The following MAX variants were observed in gnomAD, a reference collection of about 807,000 sequenced individuals.
MAX encodes MYC associated transcriptional regulator X.
MAX carries 3 observed loss-of-function variants against 22.3 expected under a neutral mutation model. The observed-to-expected ratio is 0.13, with a 90% CI of 0.06 to 0.35. MAX has a LOEUF of 0.35. Among genes scored for constraint, MAX ranks in the 10% least tolerant of loss-of-function variants. The pLI is 1.00. For missense variants in MAX, 119 were observed against 209.4 expected (o/e 0.57, Z 2.66); for synonymous variants, 72 against 77.7 (o/e 0.93, Z 0.39).
intron 3 of MAX, among the ~76,000 whole-genome samples, chr14:65,081,113 G>A (rs774778079): frequency 2.6e-5 from 4 of 152,180 alleles, no homozygotes; most frequent in South Asian, 2.1e-4. Flanking sequence ...AACTCAGAAC[G>A]AGGCCTTCAG....
chr14:65,086,758 T>C (rs1595148641), intron 3 of MAX, among the ~76,000 whole-genome samples: 1 of 152,210 alleles, frequency 6.6e-6, no homozygotes, highest in South Asian at 2.1e-4. Flanking sequence ...GAAAATCCCA[T>C]TTTCTGAGAA....
chr14:65,026,016 C>T (rs7148820), intron 3 of MAX, among the ~76,000 whole-genome samples: 46 of 152,180 alleles, frequency 3.0e-4, no homozygotes, highest in African/African-American at 1.1e-3. Context: ...AAATCGAAAG[C>T]AATTAAATGT....
Position 65,012,209 on chromosome 14 carries a change from G to A in MAX, c.172-5925C>T. On this transcript the variant is annotated intron_variant, in intron 3 of 3. Transcript: ENST00000341653. This position sits in a 1 kb window ranked among gnomAD's most constrained non-coding sequence, Gnocchi z 5.0. ...GGTTATCCAGTCAGTGATTGCAGGG[G>A]GACGTCCTGAAGCTGAGTGTTTACC... is the stretch of plus-strand genomic sequence containing the variant. The A allele has an allele frequency of 7.3e-7, 1 of 1,368,520 alleles. No homozygotes were observed. Among genetic ancestry groups the A allele is most frequent in the African/African-American group, 1.4e-5 (1 of 69,978 alleles). The allele number at this position is 1,368,520 out of a possible 1,614,324, so 84.8% of individuals were successfully genotyped here.
At chr14:65,037,753 T>TTTATTTA (rs1348661403) in intron 3 of MAX, among the ~76,000 whole-genome samples, 1 of 96,532 alleles carries the variant, frequency 1.0e-5, no homozygotes, top group Admixed American at 1.1e-4. Flanking sequence ...TATTTATTTA[T>TTTATTTA]TTATTTATTT....
chr14:65,013,767 C>G (rs745838349), intron 3 of MAX, among the ~76,000 whole-genome samples: 1 of 152,156 alleles, frequency 6.6e-6, no homozygotes, highest in African/African-American at 2.4e-5. Flanking sequence ...AGGCTGGTCT[C>G]GAGCTCCTGA....
In MAX at chr14:65,061,448, G is replaced by A. The variant is rs2062864134; in HGVS notation, c.171+32260C>T. ...GCTGTGGTTCTCTTGGTACTTTCTT[G>A]TCAAACAAAACCAATGGCTCTGGGT... On this transcript the variant is annotated intron_variant, in intron 3 of 3. Coordinates refer to the MAX transcript ENST00000341653. 8 of 1,395,250 alleles carry A rather than the reference G, an allele frequency of 5.7e-6. No homozygotes were observed. In the Admixed American group the frequency reaches 8.2e-5, roughly 14 times the overall value. The allele number at this position is 1,395,250 out of a possible 1,614,324, so 86.4% of individuals were successfully genotyped here. A position where few individuals can be genotyped will look rare whatever the true frequency, so the allele number is the denominator to read the frequency against.
chr14:65,084,171 A>C lies in MAX; in HGVS notation c.172-6135T>G. On this transcript the variant is annotated intron_variant, in intron 3 of 4. Transcript: ENST00000358664. The surrounding 1 kb of genome is among the most constrained non-coding windows in gnomAD (Gnocchi z 4.3). The stretch of plus-strand genomic sequence containing the variant: ...AGACATTTGTGTAAGGGGTCAAAAC[A>C]ATCATTTTTTAAATCTTGCATTCTT... The C allele has an allele frequency of 6.2e-7, 1 of 1,613,804 alleles. No individual in the cohort carries two copies. Among genetic ancestry groups the C allele is most frequent in the Non-Finnish European group, 8.5e-7 (1 of 1,179,780 alleles).
In MAX at chr14:65,030,463, C is replaced by T. The variant is rs566846483; in HGVS notation, c.172-24179G>A. 6.6e-6 allele frequency among the ~76,000 whole-genome samples: 1 copy of T among 152,218 alleles called. No homozygotes were observed. Among genetic ancestry groups the T allele is most frequent in the African/African-American group, 2.4e-5 (1 of 41,544 alleles). On this transcript the variant is annotated intron_variant, in intron 3 of 3. Transcript: ENST00000341653. The surrounding 1 kb of genome is among the most constrained non-coding windows in gnomAD (Gnocchi z 4.5). ...GAGTAAGATGGAAACCAGGGCCGAG[C>T]GGCAGTGGCTCATGTCTGTAATCTC...
chr14:65,034,958 G>A (rs1488963429), intron 3 of MAX, among the ~76,000 whole-genome samples: 1 of 152,206 alleles, frequency 6.6e-6, no homozygotes, highest in Admixed American at 6.5e-5. Context: ...AGTCAACTTG[G>A]TCAGACTCAA....
chr14:65,027,241 G>A lies in MAX; in HGVS notation c.172-20957C>T. ...TCATGACCAACAAGCGCTTAAGTAC[G>A]AAACTCAGAGGAGGGCAGACAGAAA... On this transcript the variant is annotated intron_variant, in intron 3 of 3. Transcript: ENST00000341653. This position sits in a 1 kb window ranked among gnomAD's most constrained non-coding sequence, Gnocchi z 5.7. 3 of 754,902 alleles carry A rather than the reference G, an allele frequency of 4.0e-6. No homozygotes were observed. Among genetic ancestry groups the A allele is most frequent in the South Asian group, 1.9e-5 (1 of 52,218 alleles). 46.8% of individuals were successfully genotyped at this position (754,902 alleles called of 1,614,324 possible). A position where few individuals can be genotyped will look rare whatever the true frequency, so the allele number is the denominator to read the frequency against.
Position 65,044,184 on chromosome 14 carries a change from A to T in MAX, c.172-37900T>A. On this transcript the variant is annotated intron_variant, in intron 3 of 3. Transcript: ENST00000341653. The surrounding 1 kb of genome is among the most constrained non-coding windows in gnomAD (Gnocchi z 5.5). ...GAAGGAAAGAAAACCAGAGCACCAA[A>T]ACTAGAGTGCCAAGAAGCCACAAGA... The T allele has an allele frequency of 1.3e-6, 2 of 1,532,264 alleles. No individual in the cohort carries two copies. The highest frequency in any genetic ancestry group is 4.5e-5 in the East Asian group (2 of 44,088). The allele number at this position is 1,532,264 out of a possible 1,614,324, so 94.9% of individuals were successfully genotyped here. A position where few individuals can be genotyped will look rare whatever the true frequency, so the allele number is the denominator to read the frequency against.
rs1879120126 is a variant in MAX, at chr14:65,027,077, A to C, written c.172-20793T>G. On this transcript the variant is annotated intron_variant, in intron 3 of 3. Coordinates refer to the MAX transcript ENST00000341653. The surrounding 1 kb of genome is among the most constrained non-coding windows in gnomAD (Gnocchi z 5.7). ...CAAAGGCTGGGAGGTTCCCAAAGGC[A>C]AGGAGGAGGAGGCTGGTACCACAGG... Among the ~76,000 whole-genome samples the C allele has an allele frequency of 6.6e-6, 1 of 152,110 alleles. No homozygotes were observed. Among genetic ancestry groups the C allele is most frequent in the East Asian group, 1.9e-4 (1 of 5,178 alleles).
chr14:65,076,736 T>G lies in MAX; in HGVS notation c.296-73A>C. On this transcript the variant is annotated intron_variant, in intron 4 of 4. Transcript: ENST00000358664. The surrounding 1 kb of genome is among the most constrained non-coding windows in gnomAD (Gnocchi z 6.6). The stretch of plus-strand genomic sequence containing the variant: ...GAGTAACCGAGTCTCAGACTCAGGG[T>G]CCAGCCTGTTCTTCCTAAGGGCTTG... 6.3e-7 allele frequency: 1 copy of G among 1,575,944 alleles called. No individual in the cohort carries two copies. Among genetic ancestry groups the G allele is most frequent in the Admixed American group, 1.7e-5 (1 of 59,906 alleles).
rs770013200 is a variant in MAX, at chr14:65,028,000, T to C, written c.172-21716A>G. ...CTTATTTTATGTAAATGTGAAAATA[T>C]AAGAAACAAATGCTTTTGTTTTAGA... On this transcript the variant is annotated intron_variant, in intron 3 of 3. Coordinates refer to the MAX transcript ENST00000341653. The surrounding 1 kb of genome is among the most constrained non-coding windows in gnomAD (Gnocchi z 5.7). Among the ~76,000 whole-genome samples, 5 of 152,208 alleles carry C rather than the reference T, an allele frequency of 3.3e-5. No homozygotes were observed. Among genetic ancestry groups the C allele is most frequent in the East Asian group, 1.9e-4 (1 of 5,204 alleles).
intron 3 of MAX, among the ~76,000 whole-genome samples, chr14:65,036,843 G>A (rs1249188907): frequency 1.3e-5 from 2 of 151,956 alleles, no homozygotes; most frequent in Non-Finnish European, 2.9e-5. Flanking sequence ...TCGTCATACT[G>A]GCCAGGCTGG....
intron 3 of MAX, chr14:65,053,185 T>C: frequency 7.8e-7 from 1 of 1,290,080 alleles, no homozygotes; most frequent in East Asian, 2.9e-5. Flanking sequence ...AATTAGGTCA[T>C]TGATACTTGG....
At chr14:65,083,288 C>T (rs1042387234) in intron 3 of MAX, among the ~76,000 whole-genome samples, 2 of 152,156 alleles carry the variant, frequency 1.3e-5, no homozygotes, top group Admixed American at 6.5e-5. Context: ...GCCTCAGACC[C>T]AAAAGACTTG....
At chr14:65,099,460 A>C (rs1357582367) in intron 2 of MAX, among the ~76,000 whole-genome samples, 1 of 152,064 alleles carries the variant, frequency 6.6e-6, no homozygotes, top group African/African-American at 2.4e-5. Context: ...TAACAAATTT[A>C]TATCAACGAT....
In MAX at chr14:65,077,163, A is replaced by G. The variant is rs1001626223; in HGVS notation, c.296-500T>C. ...ACTTGGAAGCAAGTCACCAATACACATAAAATACCTGGGCTTTTCAAATAG... is the reference window on the plus strand; with the variant it reads ...ACTTGGAAGCAAGTCACCAATACACGTAAAATACCTGGGCTTTTCAAATAG... On this transcript the variant is annotated intron_variant, in intron 4 of 4. Coordinates refer to ENST00000358664, the MANE Select transcript of MAX (RefSeq NM_002382.5). This position sits in a 1 kb window ranked among gnomAD's most constrained non-coding sequence, Gnocchi z 6.3. The G allele has an allele frequency of 9.7e-6, 6 of 619,706 alleles. No individual in the cohort carries two copies. In the African/African-American group the frequency reaches 1.1e-4, roughly 11 times the overall value. 38.4% of individuals were successfully genotyped at this position (619,706 alleles called of 1,614,324 possible). A position where few individuals can be genotyped will look rare whatever the true frequency, so the allele number is the denominator to read the frequency against.
Sources: allele counts gnomAD v4.1 joint callset (sites outside exome capture counted in the v4.1 genomes callset), GRCh38; gene constraint gnomAD v4.1.1; non-coding constraint Gnocchi (gnomAD v3.1); transcripts MANE v1.5; gene names NCBI Gene and HGNC (gene_info 2026-07-23, HGNC 2026-07-21).